Variants in SLIT3 observed in about 807,000 individuals in gnomAD.
The protein encoded by SLIT3 is slit homolog 3 protein.
In SLIT3, 68 loss-of-function variants were observed where a neutral mutation model predicts 184.0. The observed-to-expected ratio is 0.37, with a 90% CI of 0.30 to 0.45. The LOEUF is 0.45. Ranked by LOEUF, SLIT3 falls within the 20% of genes least tolerant of loss-of-function variation. The probability of loss-of-function intolerance (pLI) is 1.00; values close to 1 mark genes in which losing one functional copy is unlikely to be tolerated. For missense variants in SLIT3, 1,707 were observed against 2,026.0 expected (o/e 0.84, Z 3.02); for synonymous variants, 831 against 828.6 (o/e 1.00, Z -0.05).
intron 4 of SLIT3, among the ~76,000 whole-genome samples, chr5:169,056,334 C>A (rs1581359239): frequency 6.6e-6 from 1 of 152,068 alleles, no homozygotes; most frequent in East Asian, 1.9e-4. Flanking sequence ...TTGTAGAGTC[C>A]AAAAGATTCC....
At chr5:168,717,530 T>C (rs550739337) in intron 23 of SLIT3, among the ~76,000 whole-genome samples, 1 of 152,306 alleles carries the variant, frequency 6.6e-6, no homozygotes, top group African/African-American at 2.4e-5. Flanking sequence ...AGGGCAACAA[T>C]TGTGTCTCAT....
At chr5:168,799,553 C>T (rs1450129954) in intron 9 of SLIT3, among the ~76,000 whole-genome samples, 1 of 152,220 alleles carries the variant, frequency 6.6e-6, no homozygotes, top group Non-Finnish European at 1.5e-5. Flanking sequence ...CATTTGCAAA[C>T]ATGTGACTAA....
At chr5:168,753,802 T>A in intron 17 of SLIT3, 62 bp downstream of exon 17, 1 of 1,572,232 alleles carries the variant, frequency 6.4e-7, no homozygotes, top group Non-Finnish European at 8.6e-7. Context: ...AGTCTGTCTC[T>A]AATTCCCCTG....
intron 15 of SLIT3, among the ~76,000 whole-genome samples, chr5:168,761,921 A>ATTTTTTTTTTT (rs10654069): frequency 1.8e-5 from 2 of 110,472 alleles, no homozygotes; most frequent in Non-Finnish European, 1.7e-5. Flanking sequence ...AAAAAAAAAA[A>ATTTTTTTTTTT]TTTTTTTTTT....
In SLIT3 at chr5:169,292,398, G is replaced by C. The variant is rs111322809; in HGVS notation, c.197+8115C>G. On this transcript the variant is annotated intron_variant, in intron 1 of 35. Coordinates refer to ENST00000519560, the MANE Select transcript of SLIT3 (RefSeq NM_003062.4). The stretch of plus-strand genomic sequence containing the variant: ...AGTTCCATGAGAAACCAAGAGTATA[G>C]AGAAAATTTAGCAAGCTGAAGAATT... 5.9e-5 allele frequency among the ~76,000 whole-genome samples: 9 copies of C among 152,292 alleles called. 1 individual carries two copies. The highest frequency in any genetic ancestry group is 2.2e-4 in the African/African-American group (9 of 41,570).
intron 23 of SLIT3, among the ~76,000 whole-genome samples, chr5:168,717,721 C>T (rs1242544447): frequency 1.3e-5 from 2 of 151,678 alleles, no homozygotes; most frequent in African/African-American, 2.4e-5. Flanking sequence ...AGTGCAGTGG[C>T]GTGATCTCTG....
At chr5:169,260,422 A>T (rs1278261189) in intron 1 of SLIT3, among the ~76,000 whole-genome samples, 1 of 152,198 alleles carries the variant, frequency 6.6e-6, no homozygotes, top group Non-Finnish European at 1.5e-5. Context: ...CAGGGGATGC[A>T]GGAAGGATCA....
At chr5:168,837,495 G>GT (rs1001712225) in intron 6 of SLIT3, among the ~76,000 whole-genome samples, 2 of 152,320 alleles carry the variant, frequency 1.3e-5, no homozygotes, top group Non-Finnish European at 2.9e-5. Flanking sequence ...AATGTGAAAA[G>GT]TGGACTGGTT....
At chr5:169,121,644 C>T (rs191335146) in intron 4 of SLIT3, among the ~76,000 whole-genome samples, 23 of 152,300 alleles carry the variant, frequency 1.5e-4, no homozygotes, top group Admixed American at 1.0e-3. Flanking sequence ...TAAAAAATGC[C>T]ATTATCATAA....
chr5:168,951,291 C>T (rs1284775929), intron 4 of SLIT3, among the ~76,000 whole-genome samples: 4 of 152,152 alleles, frequency 2.6e-5, no homozygotes. Context: ...ATAGATTCAG[C>T]ATACAGCACA....
chr5:168,707,840 G>T, intron 26 of SLIT3, 136 bp downstream of exon 26: 1 of 1,044,592 alleles, frequency 9.6e-7, no homozygotes, highest in Non-Finnish European at 1.4e-6. Flanking sequence ...CTTTGGAGTG[G>T]TGACCTGTGC....
Position 168,688,385 on chromosome 5 carries a change from G to A in SLIT3, c.3177-1269C>T, listed in dbSNP as rs77351430. 5.9e-5 allele frequency among the ~76,000 whole-genome samples: 9 copies of A among 152,222 alleles called. No individual in the cohort carries two copies. In the East Asian group the frequency reaches 1.4e-3, roughly 23 times the overall value. On this transcript the variant is annotated intron_variant, in intron 29 of 35. Coordinates refer to ENST00000519560, the MANE Select transcript of SLIT3 (RefSeq NM_003062.4). ...TAGATTGTCTAATAAGCAGCCCCAC[G>A]GAAGAATCAGGGCAAAGGGATGGTT...
At chr5:168,767,066 C>T (rs1210786523) in intron 14 of SLIT3, among the ~76,000 whole-genome samples, 2 of 152,200 alleles carry the variant, frequency 1.3e-5, no homozygotes, top group Non-Finnish European at 2.9e-5. Flanking sequence ...TCAATATCCT[C>T]ATCTGTAAAG....
chr5:169,090,390 G>A (rs1296700138), intron 4 of SLIT3, among the ~76,000 whole-genome samples: 1 of 152,158 alleles, frequency 6.6e-6, no homozygotes, highest in African/African-American at 2.4e-5. Flanking sequence ...TGCAAGCCTG[G>A]GAACTGCAGC....
intron 3 of SLIT3, among the ~76,000 whole-genome samples, chr5:169,222,960 G>A (rs2113534553): frequency 6.6e-6 from 1 of 152,260 alleles, no homozygotes; most frequent in South Asian, 2.1e-4. Flanking sequence ...CGAATGGGAA[G>A]GTCTGCTTCT....
chr5:169,070,634 C>G (rs952082553), intron 4 of SLIT3, among the ~76,000 whole-genome samples: 1 of 151,930 alleles, frequency 6.6e-6, no homozygotes, highest in East Asian at 1.9e-4. Context: ...CTGGGAGGAC[C>G]AAGTGTTCGG....
At chr5:169,161,381 C>G (rs958494698) in intron 4 of SLIT3, among the ~76,000 whole-genome samples, 7 of 152,218 alleles carry the variant, frequency 4.6e-5, no homozygotes, top group African/African-American at 1.4e-4. Flanking sequence ...CTGCCCCTTC[C>G]TTGGGCCGAG....
intron 4 of SLIT3, among the ~76,000 whole-genome samples, chr5:169,076,952 G>A (rs563805195): frequency 8.0e-5 from 12 of 150,914 alleles, no homozygotes; most frequent in East Asian, 3.9e-4. Context: ...ATACACACAC[G>A]CACACACACA....
At chr5:169,240,344 CT>C (rs1413970022) in intron 3 of SLIT3, among the ~76,000 whole-genome samples, 1 of 151,560 alleles carries the variant, frequency 6.6e-6, no homozygotes, top group Non-Finnish European at 1.5e-5. Flanking sequence ...TGTATCTTAA[CT>C]ATGATTATAA....
Sources: gnomAD v4.1 joint callset for allele counts (sites outside exome capture counted in the v4.1 genomes callset) on GRCh38, gnomAD v4.1.1 for gene constraint, MANE v1.5 for transcripts, NCBI Gene and HGNC (gene_info 2026-07-23, HGNC 2026-07-21) for gene names.